The following PCSK5 variants were observed in gnomAD, a reference collection of about 807,000 sequenced individuals.
PCSK5 encodes the protein proprotein convertase subtilisin/kexin type 5.
Under a neutral mutation model 233.2 loss-of-function variants are expected in PCSK5, and 129 were observed. The observed-to-expected ratio is 0.55, with a 90% CI of 0.48 to 0.64. The LOEUF (loss-of-function observed/expected upper bound fraction) is 0.64. PCSK5 is among the 30% of genes least tolerant of loss of function. The pLI is 0.00. For missense variants in PCSK5, 2,076 were observed against 2,430.1 expected, an observed-to-expected ratio of 0.85 and a Z score of 3.06; for synonymous variants, 825 against 879.2, an observed-to-expected ratio of 0.94 and a Z score of 1.09.
intron 7 of PCSK5, among the ~76,000 whole-genome samples, chr9:76,075,960 A>G (rs1428554690): frequency 6.6e-6 from 1 of 152,252 alleles, no homozygotes. Flanking sequence ...GGAAACAAGG[A>G]TAGAAATAAT....
intron 29 of PCSK5, among the ~76,000 whole-genome samples, chr9:76,309,265 G>C (rs544537284): frequency 6.6e-6 from 1 of 152,178 alleles, no homozygotes; most frequent in African/African-American, 2.4e-5. Context: ...AAGAGGGAGG[G>C]AGGAAGGAAT....
chr9:76,297,474 G>GGGACAGCTCCCAC (rs1828474806), intron 27 of PCSK5, among the ~76,000 whole-genome samples: 1 of 152,134 alleles, frequency 6.6e-6, no homozygotes, highest in Non-Finnish European at 1.5e-5. Context: ...GACAGGTGTG[G>GGGACAGCTCCCAC]GAGCTTGGAA....
intron 20 of PCSK5, among the ~76,000 whole-genome samples, chr9:76,225,594 G>T (rs1404086962): frequency 6.6e-6 from 1 of 152,136 alleles, no homozygotes; most frequent in Admixed American, 6.5e-5. Context: ...AATTGATTGT[G>T]CCTCCTACAA....
chr9:76,268,982 T>G (rs1827423409), intron 24 of PCSK5, among the ~76,000 whole-genome samples: 1 of 152,220 alleles, frequency 6.6e-6, no homozygotes, highest in South Asian at 2.1e-4. Flanking sequence ...CTAGTCTCAG[T>G]TTCTTCATCT....
At chr9:76,014,377 A>G (rs1209385541) in intron 3 of PCSK5, among the ~76,000 whole-genome samples, 1 of 152,200 alleles carries the variant, frequency 6.6e-6, no homozygotes, top group Non-Finnish European at 1.5e-5. Flanking sequence ...TACTAATTGC[A>G]CAGTTTGTGT....
At chr9:75,931,002 C>T (rs541804849) in intron 1 of PCSK5, among the ~76,000 whole-genome samples, 62 of 152,250 alleles carry the variant, frequency 4.1e-4, no homozygotes, top group South Asian at 2.3e-3. Flanking sequence ...CTGCATTCCC[C>T]GCTTGTTTTC....
chr9:76,103,389 G>A (rs1301060018), intron 8 of PCSK5, among the ~76,000 whole-genome samples: 5 of 151,956 alleles, frequency 3.3e-5, no homozygotes, highest in East Asian at 1.9e-4. Flanking sequence ...AAAGTAAAAC[G>A]GATCACTAGA....
intron 13 of PCSK5, among the ~76,000 whole-genome samples, chr9:76,171,329 A>T (rs545903189): frequency 1.3e-5 from 2 of 152,310 alleles, no homozygotes; most frequent in East Asian, 3.9e-4. Flanking sequence ...ATCCATTAGC[A>T]GGCATCACTG....
intron 20 of PCSK5, chr9:76,193,700 A>G (rs1353393954): frequency 5.5e-6 from 1 of 180,596 alleles, no homozygotes; most frequent in South Asian, 1.7e-4. Flanking sequence ...TTGAAGGTCC[A>G]TTTTTTTCCC....
At chr9:76,029,079 G>T (rs1254413120) in intron 5 of PCSK5, among the ~76,000 whole-genome samples, 4 of 152,180 alleles carry the variant, frequency 2.6e-5, no homozygotes, top group Non-Finnish European at 4.4e-5. Flanking sequence ...TTGGGGGCAG[G>T]TGGGGTAGAT....
At chr9:75,944,052 A>T (rs180676559) in intron 2 of PCSK5, among the ~76,000 whole-genome samples, 10 of 152,068 alleles carry the variant, frequency 6.6e-5, no homozygotes, top group Admixed American at 5.2e-4. Context: ...AGTCCCAGGT[A>T]CTCGGGAGGC....
chr9:76,159,174 A>G lies in PCSK5; in HGVS notation c.1619+3A>G. On this transcript the variant is annotated splice_donor_region_variant and intron_variant, in intron 12 of 37. Coordinates refer to ENST00000674117, the MANE Select transcript of PCSK5 (RefSeq NM_001372043.1). ...AGGTCTCAGCTTTTGGCCAACAGGT[A>G]CAGCAGTGGTCTCTGCCCACCAGTG... The G allele has an allele frequency of 6.2e-7, 1 of 1,613,820 alleles. No individual in the cohort carries two copies. Among genetic ancestry groups the G allele is most frequent in the Admixed American group, 1.7e-5 (1 of 60,024 alleles).
intron 9 of PCSK5, among the ~76,000 whole-genome samples, chr9:76,128,397 A>G (rs757887297): frequency 2.6e-5 from 4 of 152,216 alleles, no homozygotes; most frequent in Non-Finnish European, 4.4e-5. Context: ...TTTGATTTCA[A>G]TGCATGTGAT....
chr9:76,130,453 C>T (rs1433319761), intron 9 of PCSK5, among the ~76,000 whole-genome samples: 3 of 152,290 alleles, frequency 2.0e-5, no homozygotes, highest in African/African-American at 4.8e-5. Context: ...TCTAGTTCTA[C>T]TTACTACCTG....
chr9:76,083,373 G>C (rs2131624688), intron 7 of PCSK5, among the ~76,000 whole-genome samples: 1 of 152,226 alleles, frequency 6.6e-6, no homozygotes, highest in African/African-American at 2.4e-5. Context: ...TTATCTACAA[G>C]TATACTTTGA....
At chr9:75,984,053 C>T (rs1470577714) in intron 2 of PCSK5, among the ~76,000 whole-genome samples, 6 of 152,134 alleles carry the variant, frequency 3.9e-5, no homozygotes, top group Admixed American at 3.9e-4. Flanking sequence ...GTCGTCAAAT[C>T]TAGATGCCAA....
chr9:76,070,376 C>A (rs1830443060), intron 6 of PCSK5, among the ~76,000 whole-genome samples: 1 of 152,090 alleles, frequency 6.6e-6, no homozygotes, highest in Admixed American at 6.6e-5. Context: ...ATTAAAAATT[C>A]AAGAGTCTAG....
chr9:76,080,147 T>G (rs1830780026), intron 7 of PCSK5, among the ~76,000 whole-genome samples: 1 of 152,080 alleles, frequency 6.6e-6, no homozygotes, highest in Admixed American at 6.6e-5. Flanking sequence ...TCCAACTTTC[T>G]TTTTCCATTA....
intron 3 of PCSK5, among the ~76,000 whole-genome samples, chr9:76,004,455 T>C (rs1002336725): frequency 2.0e-5 from 3 of 152,192 alleles, no homozygotes; most frequent in Non-Finnish European, 4.4e-5. Context: ...TGGTTTGTCT[T>C]TGTAATTAAC....
Sources: allele counts gnomAD v4.1 joint callset (sites outside exome capture counted in the v4.1 genomes callset), GRCh38; gene constraint gnomAD v4.1.1; transcripts MANE v1.5; gene names NCBI Gene and HGNC (gene_info 2026-07-23, HGNC 2026-07-21).